HLCS: variants seen among roughly 807,000 people sequenced by gnomAD.
HLCS encodes holocarboxylase synthetase.
Under a neutral mutation model 75.0 loss-of-function variants are expected in HLCS, and 53 were observed. That is an observed-to-expected ratio of 0.71 (90% confidence interval 0.57 to 0.89). The LOEUF is 0.89. Among genes scored for constraint, HLCS ranks in the 40% least tolerant of loss-of-function variants. The pLI is 0.00. For synonymous variants in HLCS, 431 were observed against 428.6 expected, an observed-to-expected ratio of 1.01 and a Z score of -0.07; for missense variants, 966 against 1,074.0, an observed-to-expected ratio of 0.90 and a Z score of 1.41.
intron 2 of HLCS, among the ~76,000 whole-genome samples, chr21:36,953,030 G>A (rs533257995): frequency 2.6e-5 from 4 of 152,272 alleles, no homozygotes; most frequent in African/African-American, 9.6e-5. Flanking sequence ...AGTGACCAAG[G>A]GGGCTATGTG....
chr21:36,883,440 A>T lies in HLCS; in HGVS notation c.1892+13420T>A, dbSNP rs185771935. On this transcript the variant is annotated intron_variant, in intron 6 of 10. Transcript: ENST00000674895. ...AAACATATTTTTAAGCCGGAACTCAACCTCTATCTGCACACCCCATGTGTC... is the reference window on the plus strand; with the variant it reads ...AAACATATTTTTAAGCCGGAACTCATCCTCTATCTGCACACCCCATGTGTC... Among the ~76,000 whole-genome samples the T allele has an allele frequency of 8.5e-5, 13 of 152,324 alleles. No homozygotes were observed. The East Asian group carries it at 2.5e-3, about 29-fold the overall frequency.
chr21:36,977,473 C>A (rs990533949), intron 1 of HLCS, among the ~76,000 whole-genome samples: 11 of 152,218 alleles, frequency 7.2e-5, no homozygotes, highest in Admixed American at 6.5e-4. Context: ...AATCGTGACT[C>A]ATTTCTTGAA....
At chr21:36,906,903 G>A (rs1321237322) in intron 5 of HLCS, among the ~76,000 whole-genome samples, 1 of 152,102 alleles carries the variant, frequency 6.6e-6, no homozygotes, top group Non-Finnish European at 1.5e-5. Flanking sequence ...ACATATAAGT[G>A]TGATTGATTT....
rs565221424 is a variant in HLCS, at chr21:36,756,445, C to T, written c.2450+97G>A. The stretch of plus-strand genomic sequence containing the variant: ...CAGCCTGGGCGACAGAGTGAGACTC[C>T]GTCTCAAAAAAAAAAAAAAAAAAAA... On this transcript the variant is annotated intron_variant, in intron 10 of 10. Coordinates refer to ENST00000674895, the MANE Select transcript of HLCS (RefSeq NM_001352514.2). 584 of 672,602 alleles carry T rather than the reference C, an allele frequency of 8.7e-4. 3 individuals carry two copies. In the African/African-American group the frequency reaches 0.015, roughly 17 times the overall value. 41.7% of individuals were successfully genotyped at this position (672,602 alleles called of 1,614,324 possible).
At chr21:36,951,215 T>A (rs1026497077) in intron 2 of HLCS, among the ~76,000 whole-genome samples, 1 of 152,226 alleles carries the variant, frequency 6.6e-6, no homozygotes, top group Admixed American at 6.5e-5. Flanking sequence ...TCTTGGAAGC[T>A]ACCACCATAT....
intron 6 of HLCS, among the ~76,000 whole-genome samples, chr21:36,819,455 C>T (rs991055267): frequency 6.6e-6 from 1 of 152,202 alleles, no homozygotes; most frequent in African/African-American, 2.4e-5. Flanking sequence ...CTTCCTCTGA[C>T]CTTTCGTTTT....
rs2089363737 is a variant in HLCS, at chr21:36,751,514, C to G, written c.*2732G>C. ...TATATGCTGTGCCTTGGGGGACCCC[C>G]AGAGGCTGCGCTCTGTGGCCTGTGC... On this transcript the variant is annotated 3_prime_UTR_variant, in exon 11 of 11. Coordinates refer to ENST00000674895, the MANE Select transcript of HLCS (RefSeq NM_001352514.2). 6.6e-6 allele frequency: 1 copy of G among 152,188 alleles called. No individual in the cohort carries two copies. Among genetic ancestry groups the G allele is most frequent in the African/African-American group, 2.4e-5 (1 of 41,332 alleles). The allele number at this position is 152,188 out of a possible 1,614,324, so 9.4% of individuals were successfully genotyped here. A position where few individuals can be genotyped will look rare whatever the true frequency, so the allele number is the denominator to read the frequency against.
At chr21:36,987,085 T>C (rs1030466729) in intron 1 of HLCS, among the ~76,000 whole-genome samples, 1 of 152,258 alleles carries the variant, frequency 6.6e-6, no homozygotes, top group Non-Finnish European at 1.5e-5. Context: ...CCTTCTGACC[T>C]GTCTCTATCA....
chr21:36,815,287 C>A (rs544535309), intron 6 of HLCS, among the ~76,000 whole-genome samples: 48 of 152,212 alleles, frequency 3.2e-4, no homozygotes, highest in African/African-American at 1.0e-3. Context: ...CCTTGGCCCC[C>A]CAAAGTGCTG....
chr21:36,815,706 T>C (rs1300517425), intron 6 of HLCS, among the ~76,000 whole-genome samples: 2 of 152,234 alleles, frequency 1.3e-5, no homozygotes, highest in South Asian at 4.1e-4. Flanking sequence ...TGTGTACCTA[T>C]ATACACACCA....
intron 6 of HLCS, among the ~76,000 whole-genome samples, chr21:36,785,334 G>C: frequency 6.6e-6 from 1 of 152,104 alleles, no homozygotes; most frequent in East Asian, 1.9e-4. Flanking sequence ...ATGACACGCT[G>C]GGTTTATGGC....
intron 1 of HLCS, among the ~76,000 whole-genome samples, chr21:36,962,568 G>A (rs1211376999): frequency 1.3e-5 from 2 of 151,756 alleles, no homozygotes; most frequent in Admixed American, 6.6e-5. Context: ...TGGGCAGATC[G>A]CTTGAGCCCA....
intron 6 of HLCS, among the ~76,000 whole-genome samples, chr21:36,884,934 C>A (rs950351591): frequency 6.6e-6 from 1 of 152,030 alleles, no homozygotes; most frequent in Middle Eastern, 3.2e-3. Flanking sequence ...CGAAAATGTT[C>A]AAACCACTGC....
chr21:36,788,297 G>A (rs1227385913), intron 6 of HLCS, among the ~76,000 whole-genome samples: 2 of 152,280 alleles, frequency 1.3e-5, no homozygotes, highest in South Asian at 2.1e-4. Context: ...AGCTGTGCAG[G>A]GCCCGCCCAA....
At position 36,937,126 on chromosome 21, in the gene HLCS, G is replaced by C; in HGVS notation, c.760C>G (p.His254Asp). Residue 254 changes from histidine to aspartate, a missense_variant, in exon 4 of 11, where the codon CAC (histidine) becomes GAC (aspartate). Transcript: ENST00000674895. ...CTGTTCTCAAGTTCCAGACACTCGTGGCAACTAGACAGATGGAGGTGATAA... is the reference window on the plus strand; with the variant it reads ...CTGTTCTCAAGTTCCAGACACTCGTCGCAACTAGACAGATGGAGGTGATAA... ...EHYHLHLSSC[H>D]ECLELENSTI... 1 of 1,614,152 alleles carries C rather than the reference G, an allele frequency of 6.2e-7. No individual in the cohort carries two copies. Among genetic ancestry groups the C allele is most frequent in the Non-Finnish European group, 8.5e-7 (1 of 1,180,032 alleles).
intron 6 of HLCS, among the ~76,000 whole-genome samples, chr21:36,866,639 A>G (rs2063566865): frequency 1.3e-5 from 2 of 152,224 alleles, no homozygotes; most frequent in African/African-American, 4.8e-5. Flanking sequence ...CTTCGATCAT[A>G]AAGTCCTCAA....
chr21:36,806,017 C>T (rs1029594854), intron 6 of HLCS: 1 of 152,146 alleles, frequency 6.6e-6, no homozygotes, highest in Non-Finnish European at 1.5e-5. Context: ...ATATTAAATG[C>T]TCATCTTCTA....
At chr21:36,868,477 T>C (rs2835512) in intron 6 of HLCS, among the ~76,000 whole-genome samples, 19,369 of 152,072 alleles carry the variant, frequency 0.13, 1,577 homozygotes, top group Non-Finnish European at 0.18. Flanking sequence ...ACAGAAAATA[T>C]ATCCATGTAT....
At chr21:36,964,983 C>G (rs1426693312) in intron 1 of HLCS, among the ~76,000 whole-genome samples, 1 of 152,204 alleles carries the variant, frequency 6.6e-6, no homozygotes, top group East Asian at 1.9e-4. Context: ...AATGCATGAA[C>G]TTCTTCCCCT....
Sources: gnomAD v4.1 joint callset for allele counts (sites outside exome capture counted in the v4.1 genomes callset) on GRCh38, gnomAD v4.1.1 for gene constraint, MANE v1.5 for transcripts, NCBI Gene and HGNC (gene_info 2026-07-23, HGNC 2026-07-21) for gene names.